Variants in MYO15B observed in about 807,000 individuals in gnomAD.
The protein encoded by MYO15B is myosin XVB, also known as myosin XVB pseudogene.
Under a neutral mutation model 119.3 loss-of-function variants are expected in MYO15B, and 207 were observed. The ratio of observed to expected loss-of-function variants is 1.73; its 90% CI spans 1.55 to 1.95. The LOEUF (loss-of-function observed/expected upper bound fraction) is 1.95, where lower values mean the gene tolerates loss of function less well. Among genes scored for constraint, MYO15B ranks in the 30% most tolerant of loss-of-function variants. The pLI, the probability that MYO15B is intolerant of heterozygous loss-of-function variation, is 0.00. For synonymous variants in MYO15B, 966 were observed against 498.9 expected (o/e 1.94, Z -12.48); for missense variants, 2,264 against 1,203.1 (o/e 1.88, Z -13.04).
At chr17:75,593,747 C>T (rs1031964721) in intron 9 of MYO15B, among the ~76,000 whole-genome samples, 31 of 151,772 alleles carry the variant, frequency 2.0e-4, no homozygotes, top group African/African-American at 7.0e-4. Flanking sequence ...TGGTGAAACC[C>T]CGTCTCTACT....
chr17:75,600,694 T>C (rs2057220451), intron 14 of MYO15B: 1 of 149,880 alleles, frequency 6.7e-6, no homozygotes, highest in African/African-American at 2.5e-5. Context: ...CAAATGATTC[T>C]CCTGCTTCAG....
intron 3 of MYO15B, 21 bp from the exon 4 acceptor site, chr17:75,591,151 C>T: frequency 1.4e-6 from 1 of 702,838 alleles, no homozygotes; most frequent in Non-Finnish European, 2.6e-6. Context: ...CCATGTCTGG[C>T]AACCTTCTCA....
In MYO15B at chr17:75,620,456, G is replaced by C. The variant is rs375571740; in HGVS notation, c.7556-11G>C. 5.7e-6 allele frequency: 4 copies of C among 702,492 alleles called. No homozygotes were observed. The highest frequency in any genetic ancestry group is 2.0e-5 in the Admixed American group (1 of 50,016). The allele number at this position is 702,492 out of a possible 1,614,324, so 43.5% of individuals were successfully genotyped here. On this transcript the variant is annotated splice_polypyrimidine_tract_variant and intron_variant, in intron 48 of 63. Coordinates refer to ENST00000645453, the Ensembl canonical transcript of MYO15B. ...TCCAGTGGGTGAGCCACATCCCTGG[G>C]TGCCTTCCAGGCTGGCAGTTTGGCT...
At chr17:75,609,276 T>C (rs1474341862) in intron 21 of MYO15B, among the ~76,000 whole-genome samples, 2 of 151,312 alleles carry the variant, frequency 1.3e-5, no homozygotes, top group Non-Finnish European at 1.5e-5. Context: ...GACCCAGTCA[T>C]AGCTCCTACC....
intron 25 of MYO15B, among the ~76,000 whole-genome samples, chr17:75,612,528 C>T (rs1432007646): frequency 6.6e-6 from 1 of 152,102 alleles, no homozygotes; most frequent in African/African-American, 2.4e-5. Context: ...CAAAAATTAG[C>T]CAGACATGCG....
At chr17:75,622,424 G>GA (rs1336118921) in intron 53 of MYO15B, among the ~76,000 whole-genome samples, 1 of 152,168 alleles carries the variant, frequency 6.6e-6, no homozygotes, top group Non-Finnish European at 1.5e-5. Flanking sequence ...GATGTGGGGG[G>GA]AAGCCTCGGC....
intron 9 of MYO15B, 145 bp downstream of exon 9, chr17:75,592,985 A>G: frequency 3.5e-6 from 2 of 578,674 alleles, no homozygotes; most frequent in Non-Finnish European, 6.2e-6. Flanking sequence ...TGTGTAGATG[A>G]GAAAGCTGAG....
chr17:75,614,894 G>C (rs988817134), intron 32 of MYO15B, 45 bp downstream of exon 32: 6 of 702,772 alleles, frequency 8.5e-6, no homozygotes, highest in Non-Finnish European at 1.6e-5. Flanking sequence ...CAACCCCCCG[G>C]GGCCTCTGCT....
At chr17:75,625,895 G>A (rs773583402) in exon 62 of MYO15B, 18 of 702,942 alleles carry the variant, frequency 2.6e-5, no homozygotes, top group South Asian at 7.4e-5. Context: ...GGGGTGCTGC[G>A]AGTGAGCATG....
At chr17:75,588,535 C>T in exon 1 of MYO15B, 1 of 398,676 alleles carries the variant, frequency 2.5e-6, no homozygotes, top group Non-Finnish European at 4.4e-6. Flanking sequence ...CAGCTCCTGT[C>T]CGGACAGCGA....
intron 36 of MYO15B, 60 bp from the exon 37 acceptor site, chr17:75,616,009 G>T: frequency 1.7e-6 from 1 of 588,714 alleles, no homozygotes; most frequent in South Asian, 2.0e-5. Flanking sequence ...GGGACCCGAG[G>T]GGTGTGGCGA....
At chr17:75,619,082 G>A (rs1227549049) in intron 43 of MYO15B, 61 bp from the exon 44 acceptor site, 2 of 701,268 alleles carry the variant, frequency 2.9e-6, no homozygotes, top group African/African-American at 3.5e-5. Context: ...CATGTGGATG[G>A]CTGCTCTGGG....
At chr17:75,622,443 G>A (rs1053905047) in intron 53 of MYO15B, among the ~76,000 whole-genome samples, 5 of 152,178 alleles carry the variant, frequency 3.3e-5, no homozygotes, top group African/African-American at 9.7e-5. Context: ...GCACCATCAC[G>A]CACCGGGACC....
At chr17:75,626,058 G>A (rs1318961098) in intron 62 of MYO15B, 30 bp from the exon 63 acceptor site, 2 of 699,454 alleles carry the variant, frequency 2.9e-6, no homozygotes, top group Non-Finnish European at 5.2e-6. Context: ...CCCCGGAGAG[G>A]AGACCAGCCC....
intron 47 of MYO15B, 59 bp downstream of exon 47, chr17:75,620,079 C>T: frequency 3.0e-6 from 2 of 676,188 alleles, no homozygotes; most frequent in Non-Finnish European, 5.4e-6. Context: ...TGCTGCATCT[C>T]CCTGTCCGTC....
intron 4 of MYO15B, 95 bp from the exon 5 acceptor site, chr17:75,591,506 C>T: frequency 1.5e-6 from 1 of 687,624 alleles, no homozygotes. Context: ...TCCAGGCTAG[C>T]TGTCACTTCT....
chr17:75,604,543 C>CCCCTCCCT (rs1290528888), intron 19 of MYO15B, among the ~76,000 whole-genome samples: 1 of 138,950 alleles, frequency 7.2e-6, no homozygotes, highest in African/African-American at 2.7e-5. Flanking sequence ...CCCTTCCACA[C>CCCCTCCCT]CCCTCCCTCC....
At chr17:75,614,654 C>T (rs1214896832) in exon 31 of MYO15B, 1 of 700,998 alleles carries the variant, frequency 1.4e-6, no homozygotes, top group African/African-American at 1.7e-5. Context: ...CCAGGTCCAG[C>T]CCCAACGCTG....
intron 43 of MYO15B, 33 bp from the exon 44 acceptor site, chr17:75,619,110 G>T: frequency 1.4e-6 from 1 of 702,742 alleles, no homozygotes; most frequent in Non-Finnish European, 2.6e-6. Context: ...TCTGTCTCAG[G>T]ACCTGGTGGT....
Sources: allele counts gnomAD v4.1 joint callset (sites outside exome capture counted in the v4.1 genomes callset), GRCh38; gene constraint gnomAD v4.1.1; transcripts MANE v1.5; gene names NCBI Gene and HGNC (gene_info 2026-07-23, HGNC 2026-07-21).